The following DIP2B variants were observed in gnomAD, a reference collection of about 807,000 sequenced individuals.
DIP2B encodes DIP2 acetate--CoA ligase B (putative), also known as disco-interacting protein 2 homolog B.
A neutral mutation model predicts 198.0 loss-of-function variants in DIP2B; 76 were observed. The ratio of observed to expected loss-of-function variants is 0.38; its 90% CI spans 0.32 to 0.46. The LOEUF (loss-of-function observed/expected upper bound fraction) is 0.46. Ranked by LOEUF, DIP2B falls within the 20% of genes least tolerant of loss-of-function variation. DIP2B has a pLI of 0.99. For missense variants in DIP2B, 1,559 were observed against 1,978.4 expected, an observed-to-expected ratio of 0.79 and a Z score of 4.02; for synonymous variants, 701 against 739.1, an observed-to-expected ratio of 0.95 and a Z score of 0.84.
At chr12:50,715,661 A>G (rs1341624662) in intron 23 of DIP2B, among the ~76,000 whole-genome samples, 1 of 152,180 alleles carries the variant, frequency 6.6e-6, no homozygotes, top group Non-Finnish European at 1.5e-5. Flanking sequence ...AGGCTCCCCA[A>G]CCTCTACATC....
In DIP2B at chr12:50,679,296, C is replaced by T. The variant is rs991538693; in HGVS notation, c.1114+420C>T. On this transcript the variant is annotated intron_variant, in intron 8 of 37. Transcript: ENST00000301180. ...AATGAACAAAGAATGAGTACTTTTC[C>T]GTTTAATTTTGCATACTAGCTAAAA... 3.0e-4 allele frequency: 51 copies of T among 169,804 alleles called. 1 individual carries two copies. Among genetic ancestry groups the T allele is most frequent in the Middle Eastern group, 5.6e-3 (2 of 358 alleles). The allele number at this position is 169,804 out of a possible 1,614,324, so 10.5% of individuals were successfully genotyped here. A position where few individuals can be genotyped will look rare whatever the true frequency, so the allele number is the denominator to read the frequency against.
At chr12:50,742,120 G>A (rs765701841) in intron 37 of DIP2B, among the ~76,000 whole-genome samples, 15 of 152,072 alleles carry the variant, frequency 9.9e-5, no homozygotes, top group Non-Finnish European at 1.5e-4. Context: ...TGGTTTGGCC[G>A]GCCACAGTGG....
chr12:50,533,083 G>GTC (rs1468122598), intron 1 of DIP2B, among the ~76,000 whole-genome samples: 1 of 152,212 alleles, frequency 6.6e-6, no homozygotes, highest in East Asian at 1.9e-4. Flanking sequence ...GTCACAGTGA[G>GTC]TCATAAAGAA....
intron 1 of DIP2B, among the ~76,000 whole-genome samples, chr12:50,510,654 T>TTC (rs1958006100): frequency 6.6e-6 from 1 of 152,086 alleles, no homozygotes; most frequent in East Asian, 1.9e-4. Context: ...CCACCTTTTT[T>TTC]TTTTTTTTGA....
At chr12:50,525,306 C>T (rs560945620) in intron 1 of DIP2B, among the ~76,000 whole-genome samples, 7 of 148,648 alleles carry the variant, frequency 4.7e-5, no homozygotes, top group South Asian at 2.1e-4. Flanking sequence ...TGCAGTGAGC[C>T]GAAAGCGGGC....
chr12:50,677,990 T>C (rs1234436898), intron 7 of DIP2B, among the ~76,000 whole-genome samples: 1 of 151,440 alleles, frequency 6.6e-6, no homozygotes, highest in Non-Finnish European at 1.5e-5. Flanking sequence ...AGTAGTCTCC[T>C]CAGGGAGTGG....
chr12:50,519,442 C>T (rs1214664626), intron 1 of DIP2B, among the ~76,000 whole-genome samples: 1 of 152,162 alleles, frequency 6.6e-6, no homozygotes, highest in South Asian at 2.1e-4. Context: ...TGAAGTGCAT[C>T]TATAAAGTGA....
intron 1 of DIP2B, among the ~76,000 whole-genome samples, chr12:50,536,669 G>A (rs1432150750): frequency 6.6e-6 from 1 of 151,396 alleles, no homozygotes; most frequent in Admixed American, 6.6e-5. Context: ...CTGGGTTCAA[G>A]CGATTCTCCC....
chr12:50,716,519 C>T (rs538285190), intron 23 of DIP2B, among the ~76,000 whole-genome samples: 33 of 151,758 alleles, frequency 2.2e-4, no homozygotes, highest in Admixed American at 7.9e-4. Context: ...CTGAGCGAGA[C>T]TCTGTCTCAA....
rs1272829374 is a variant in DIP2B at position 50,688,249 on chromosome 12, T to C, written c.1551+1567T>C. Among the ~76,000 whole-genome samples, 8 of 152,178 alleles carry C rather than the reference T, an allele frequency of 5.3e-5. No individual in the cohort carries two copies. The South Asian group carries it at 1.5e-3, about 28-fold the overall frequency. On this transcript the variant is annotated intron_variant, in intron 12 of 37. Transcript: ENST00000301180. ...ACTTTGGAAGGCCAAATAGGAGGAC[T>C]GCAAAGAAAAGGAAGAGAGTGACCA...
At chr12:50,676,858 A>C (rs1168230903) in intron 7 of DIP2B, among the ~76,000 whole-genome samples, 1 of 151,972 alleles carries the variant, frequency 6.6e-6, no homozygotes, top group Non-Finnish European at 1.5e-5. Flanking sequence ...ACCCATGTTT[A>C]TTTTTTTTAG....
At chr12:50,531,784 C>G (rs1178116252) in intron 1 of DIP2B, among the ~76,000 whole-genome samples, 1 of 152,306 alleles carries the variant, frequency 6.6e-6, no homozygotes, top group East Asian at 1.9e-4. Context: ...TTCTTTGTCT[C>G]TCTCCTCACT....
At chr12:50,739,614 C>G (rs746975413) in intron 36 of DIP2B, 28 bp downstream of exon 36, 2 of 1,609,626 alleles carry the variant, frequency 1.2e-6, no homozygotes, top group African/African-American at 2.7e-5. Flanking sequence ...CCCCATTGAC[C>G]CTGCTTTGTG....
intron 2 of DIP2B, among the ~76,000 whole-genome samples, chr12:50,639,365 C>T (rs1209900218): frequency 1.3e-5 from 2 of 152,140 alleles, no homozygotes; most frequent in Non-Finnish European, 2.9e-5. Flanking sequence ...GGCTCATTCA[C>T]ATGTTTGATG....
intron 1 of DIP2B, among the ~76,000 whole-genome samples, chr12:50,575,373 T>C (rs559513772): frequency 1.4e-5 from 2 of 144,850 alleles, no homozygotes; most frequent in Non-Finnish European, 3.1e-5. Context: ...ACAGGCTTGT[T>C]TTTTTTTGTT....
intron 4 of DIP2B, among the ~76,000 whole-genome samples, chr12:50,663,696 C>T (rs1938695967): frequency 6.6e-6 from 1 of 151,126 alleles, no homozygotes; most frequent in Admixed American, 6.6e-5. Flanking sequence ...ATAGCGAGAC[C>T]CCATCTCTAC....
At chr12:50,604,231 T>G (rs1958963023) in intron 1 of DIP2B, among the ~76,000 whole-genome samples, 1 of 147,064 alleles carries the variant, frequency 6.8e-6, no homozygotes, top group South Asian at 2.2e-4. Context: ...TATGATTGAT[T>G]ATATACAGTT....
chr12:50,675,585 T>C, intron 7 of DIP2B, 137 bp downstream of exon 7: 1 of 822,508 alleles, frequency 1.2e-6, no homozygotes, highest in South Asian at 2.6e-5. Flanking sequence ...TTTCTGCTCT[T>C]TTTTCCCTAA....
chr12:50,735,665 A>G (rs1157208922), intron 34 of DIP2B, among the ~76,000 whole-genome samples: 1 of 152,036 alleles, frequency 6.6e-6, no homozygotes, highest in Non-Finnish European at 1.5e-5. Flanking sequence ...GGGTTTCACC[A>G]TGTTGGCCAG....
Sources: gnomAD v4.1 joint callset for allele counts (sites outside exome capture counted in the v4.1 genomes callset) on GRCh38, gnomAD v4.1.1 for gene constraint, MANE v1.5 for transcripts, NCBI Gene and HGNC (gene_info 2026-07-23, HGNC 2026-07-21) for gene names.